Variants in GPAM observed in about 807,000 individuals in gnomAD.
GPAM encodes the protein glycerol-3-phosphate acyltransferase, mitochondrial.
A neutral mutation model predicts 105.0 loss-of-function variants in GPAM; 56 were observed. The ratio of observed to expected loss-of-function variants is 0.53; its 90% CI spans 0.43 to 0.67. GPAM has a LOEUF of 0.67. Among genes scored for constraint, GPAM ranks in the 30% least tolerant of loss-of-function variants. The pLI is 0.00. For synonymous variants in GPAM, 368 were observed against 354.4 expected, an observed-to-expected ratio of 1.04 and a Z score of -0.43; for missense variants, 855 against 989.8, an observed-to-expected ratio of 0.86 and a Z score of 1.83.
upstream of GPAM, among the ~76,000 whole-genome samples, chr10:112,217,082 G>C (rs1267686525): frequency 6.6e-6 from 1 of 152,092 alleles, no homozygotes; most frequent in Non-Finnish European, 1.5e-5. Context: ...ATAGAGTTGT[G>C]CAGCCATGAG....
intron 3 of GPAM, among the ~76,000 whole-genome samples, chr10:112,181,230 A>G (rs1273938886): frequency 6.6e-6 from 1 of 151,798 alleles, no homozygotes; most frequent in African/African-American, 2.4e-5. Context: ...CAATTAAGAT[A>G]TTTAAAATAC....
At chr10:112,183,179 A>T (rs1457664841) in intron 1 of GPAM, among the ~76,000 whole-genome samples, 1 of 152,214 alleles carries the variant, frequency 6.6e-6, no homozygotes, top group African/African-American at 2.4e-5. Context: ...TCTATGCCTT[A>T]GTTTTCCCAT....
Position 112,150,619 on chromosome 10 carries a change from A to G in GPAM, c.*2931T>C. On this transcript the variant is annotated 3_prime_UTR_variant, in exon 22 of 22. Transcript: ENST00000348367. ...ACAGGACATTAGTGAGAGGTTCATA[A>G]GTATCCCAAAGGAGAAAAAGGTCCT... 4 of 930,950 alleles carry G rather than the reference A, an allele frequency of 4.3e-6. No homozygotes were observed. The highest frequency in any genetic ancestry group is 5.1e-6 in the Non-Finnish European group (4 of 780,310). The allele number at this position is 930,950 out of a possible 1,614,324, so 57.7% of individuals were successfully genotyped here.
At chr10:112,200,503 G>A (rs1276961157) in intron 1 of GPAM, among the ~76,000 whole-genome samples, 1 of 151,884 alleles carries the variant, frequency 6.6e-6, no homozygotes, top group Non-Finnish European at 1.5e-5. Flanking sequence ...TGTTGCCCAG[G>A]CTGGTCTCGA....
At chr10:112,199,579 T>C (rs1436531015) in intron 1 of GPAM, among the ~76,000 whole-genome samples, 1 of 152,216 alleles carries the variant, frequency 6.6e-6, no homozygotes. Flanking sequence ...GTGGTGAATA[T>C]GTTAATTAGC....
chr10:112,177,919 G>A (rs1847435987), intron 5 of GPAM, 65 bp downstream of exon 5: 1 of 853,792 alleles, frequency 1.2e-6, no homozygotes, highest in East Asian at 2.5e-5. Context: ...CTTAAAGTGT[G>A]TTAACTGATT....
chr10:112,185,512 A>G (rs1247169604), upstream of GPAM, among the ~76,000 whole-genome samples: 1 of 151,754 alleles, frequency 6.6e-6, no homozygotes, highest in Non-Finnish European at 1.5e-5. Flanking sequence ...CACAAACCAA[A>G]CATCTAGGAG....
intron 3 of GPAM, 151 bp from the exon 4 acceptor site, chr10:112,180,746 T>C (rs925662334): frequency 1.4e-6 from 1 of 712,562 alleles, no homozygotes; most frequent in African/African-American, 1.8e-5. Context: ...TGATCAACAC[T>C]TGGATAAAAG....
At chr10:112,214,083 A>T (rs910853071) in intron 1 of GPAM, among the ~76,000 whole-genome samples, 4 of 152,154 alleles carry the variant, frequency 2.6e-5, no homozygotes, top group Non-Finnish European at 5.9e-5. Flanking sequence ...GGACCACAGC[A>T]GTCAGCACAG....
chr10:112,155,979 G>A lies in GPAM; in HGVS notation c.2196C>T (p.Tyr732=), dbSNP rs753803241. 27 of 1,610,782 alleles carry A rather than the reference G, an allele frequency of 1.7e-5. No homozygotes were observed. The highest frequency in any genetic ancestry group is 2.3e-5 in the Non-Finnish European group (27 of 1,177,124). ...TGTGAACAAAGATGGCAGCAGAGCT[G>A]TAGGCCTCCAGCAAAGGCCCAAGGA... is the stretch of plus-strand genomic sequence containing the variant. ...QRLLGPLLEA[Y]SSAAIFVHNF... The change falls in exon 20 of 22, where the codon TAC becomes TAT. Residue 732 remains tyrosine, a synonymous_variant. Coordinates refer to ENST00000348367, the MANE Select transcript of GPAM (RefSeq NM_001244949.2).
chr10:112,201,899 C>T (rs943250909), intron 1 of GPAM, among the ~76,000 whole-genome samples: 2 of 152,198 alleles, frequency 1.3e-5, no homozygotes, highest in Non-Finnish European at 1.5e-5. Context: ...ATCAGCATAG[C>T]TACCATTTAT....
chr10:112,150,391 TTCTC>T lies in GPAM; in HGVS notation c.*3155_*3158del, dbSNP rs1460060834. On this transcript the variant is annotated 3_prime_UTR_variant, in exon 22 of 22. Transcript: ENST00000348367. ...GAAAAAGCCAGGATCATTGGGGCTG[TTCTC>T]TCTATCAAAGGAAAGAGCTCCGATC... The T allele has an allele frequency of 1.8e-5, 18 of 985,668 alleles. No individual in the cohort carries two copies. The highest frequency in any genetic ancestry group is 6.1e-5 in the Admixed American group (1 of 16,270). The allele number at this position is 985,668 out of a possible 1,614,324, so 61.1% of individuals were successfully genotyped here.
intron 4 of GPAM, among the ~76,000 whole-genome samples, chr10:112,179,315 A>G (rs1847464280): frequency 6.6e-6 from 1 of 152,190 alleles, no homozygotes; most frequent in Admixed American, 6.5e-5. Flanking sequence ...TGACTTAAGA[A>G]CACATTGTAG....
intron 13 of GPAM, 43 bp from the exon 14 acceptor site, chr10:112,163,859 A>G (rs1344751765): frequency 1.1e-6 from 1 of 871,014 alleles, no homozygotes; most frequent in South Asian, 1.3e-5. Context: ...GCACTCTTTT[A>G]CAAGGCAAAC....
chr10:112,158,570 C>T (rs1451571102), intron 17 of GPAM, among the ~76,000 whole-genome samples, 177 bp from the exon 18 acceptor site: 1 of 152,102 alleles, frequency 6.6e-6, no homozygotes, highest in Non-Finnish European at 1.5e-5. Flanking sequence ...CGGTCATGGA[C>T]AAAGCCCAAG....
At chr10:112,190,991 C>G (rs1847651793) in intron 1 of GPAM, among the ~76,000 whole-genome samples, 1 of 152,134 alleles carries the variant, frequency 6.6e-6, no homozygotes, top group Non-Finnish European at 1.5e-5. Flanking sequence ...GAAGACTGAA[C>G]TGTGGCCAAA....
intron 1 of GPAM, among the ~76,000 whole-genome samples, chr10:112,194,070 A>G (rs1847695116): frequency 6.6e-6 from 1 of 152,210 alleles, no homozygotes; most frequent in South Asian, 2.1e-4. Context: ...CTACATGTCA[A>G]CAGCAGGTTA....
In GPAM at chr10:112,172,323, C is replaced by G; in HGVS notation, c.658-5G>C. ...AAACAGAAGCGGCAAATTCGTCTAG[C>G]AAAGGGAAAAATGCCAAATTTAAAA... On this transcript the variant is annotated splice_polypyrimidine_tract_variant and splice_region_variant and intron_variant, in intron 8 of 21. Transcript: ENST00000348367. 1 of 1,612,486 alleles carries G rather than the reference C, an allele frequency of 6.2e-7. No homozygotes were observed. Among genetic ancestry groups the G allele is most frequent in the Non-Finnish European group, 8.5e-7 (1 of 1,178,698 alleles).
At chr10:112,195,337 C>G (rs576898656) in intron 1 of GPAM, among the ~76,000 whole-genome samples, 3 of 152,326 alleles carry the variant, frequency 2.0e-5, no homozygotes, top group African/African-American at 7.2e-5. Flanking sequence ...CTCAGTCCGC[C>G]CTTGCTAATC....
Sources: allele counts gnomAD v4.1 joint callset (sites outside exome capture counted in the v4.1 genomes callset), GRCh38; gene constraint gnomAD v4.1.1; transcripts MANE v1.5; gene names NCBI Gene and HGNC (gene_info 2026-07-23, HGNC 2026-07-21).